Variants in STAB2 observed in about 807,000 individuals in gnomAD.
STAB2 encodes stabilin-2.
A neutral mutation model predicts 338.1 loss-of-function variants in STAB2; 288 were observed. The ratio of observed to expected loss-of-function variants is 0.85; its 90% CI spans 0.77 to 0.94. The LOEUF (loss-of-function observed/expected upper bound fraction) is 0.94. STAB2 is among the 40% of genes least tolerant of loss of function. The pLI, the probability that STAB2 is intolerant of heterozygous loss-of-function variation, is 0.00. For missense variants in STAB2, 3,141 were observed against 3,210.1 expected (o/e 0.98, Z 0.52); for synonymous variants, 1,202 against 1,193.3 (o/e 1.01, Z -0.15).
intron 61 of STAB2, chr12:103,755,005 A>G: frequency 2.9e-6 from 1 of 346,350 alleles, no homozygotes; most frequent in Non-Finnish European, 5.3e-6. Flanking sequence ...TTAGCAGAAA[A>G]ATTTGCACCT....
rs985850285 is a variant in STAB2 at position 103,587,317 on chromosome 12, C to T, written c.-160C>T. The T allele has an allele frequency of 2.5e-5, 16 of 640,706 alleles. No homozygotes were observed. Among genetic ancestry groups the T allele is most frequent in the Non-Finnish European group, 4.3e-5 (16 of 374,624 alleles). 39.7% of individuals were successfully genotyped at this position (640,706 alleles called of 1,614,324 possible). A position where few individuals can be genotyped will look rare whatever the true frequency, so the allele number is the denominator to read the frequency against. On this transcript the variant is annotated 5_prime_UTR_variant, in exon 1 of 69. Coordinates refer to ENST00000388887, the MANE Select transcript of STAB2 (RefSeq NM_017564.10). ...CCATTTTTCCTTTCTGAAGGCAGGT[C>T]TCACCTATCTCCTGGTTCGATCTAG...
rs117031009 is a variant in STAB2 at position 103,683,544 on chromosome 12, C to T, written c.2901+244C>T. ...TTAAATTTAATTTTGAAGTAAGTAACAAACAATCTTTAAGCACAAGTAAGT... is the reference window on the plus strand; with the variant it reads ...TTAAATTTAATTTTGAAGTAAGTAATAAACAATCTTTAAGCACAAGTAAGT... On this transcript the variant is annotated intron_variant, in intron 26 of 68. Coordinates refer to ENST00000388887, the MANE Select transcript of STAB2 (RefSeq NM_017564.10). Among the ~76,000 whole-genome samples the T allele has an allele frequency of 3.0e-3, 457 of 152,258 alleles. 1 individual carries two copies. Among genetic ancestry groups the T allele is most frequent in the Middle Eastern group, 6.8e-3 (2 of 294 alleles).
In STAB2 at chr12:103,750,741, T is replaced by C. The variant is rs201527438; in HGVS notation, c.6580+21T>C. On this transcript the variant is annotated intron_variant, in intron 60 of 68. Transcript: ENST00000388887. ...CCAGGGTTAGTGTGACCAGGGCCTA[T>C]GGCCCAAAGCACCCTCCTCTTCAGG... is the stretch of plus-strand genomic sequence containing the variant. The C allele has an allele frequency of 1.9e-6, 3 of 1,603,368 alleles. No individual in the cohort carries two copies. The African/African-American group carries it at 4.0e-5, about 21-fold the overall frequency.
At chr12:103,755,156 C>A in intron 61 of STAB2, 146 bp from the exon 62 acceptor site, 1 of 1,107,322 alleles carries the variant, frequency 9.0e-7, no homozygotes, top group Non-Finnish European at 1.3e-6. Context: ...CTAATGACCA[C>A]CTACTGTGTG....
At position 103,620,514 on chromosome 12, in the gene STAB2, T is replaced by C; in HGVS notation, c.378T>C (p.Cys126=). The change falls in exon 4 of 69, where the codon TGT becomes TGC. Residue 126 remains cysteine, a synonymous_variant. Coordinates refer to ENST00000388887, the MANE Select transcript of STAB2 (RefSeq NM_017564.10). ...AGSPCNGRGS[C]AEGMEGNGTC... ...CACCCTGCAATGGCAGAGGCAGTTG[T>C]GCTGAAGGCATGGAAGGAAATGGAA... 1 of 1,582,796 alleles carries C rather than the reference T, an allele frequency of 6.3e-7. No homozygotes were observed. The highest frequency in any genetic ancestry group is 1.2e-5 in the South Asian group (1 of 86,564).
At chr12:103,680,656 G>T (rs998371527) in intron 25 of STAB2, among the ~76,000 whole-genome samples, 1 of 152,208 alleles carries the variant, frequency 6.6e-6, no homozygotes, top group African/African-American at 2.4e-5. Context: ...CACAATTACA[G>T]AAATCAGGCT....
At chr12:103,745,127 T>G in intron 56 of STAB2, 46 bp from the exon 57 acceptor site, 1 of 1,531,902 alleles carries the variant, frequency 6.5e-7, no homozygotes. Context: ...GCTGGTTGAT[T>G]GGGTCTCAAC....
At chr12:103,600,784 A>G (rs1301083543) in intron 3 of STAB2, among the ~76,000 whole-genome samples, 2 of 84,672 alleles carry the variant, frequency 2.4e-5, no homozygotes, top group East Asian at 6.1e-4. Context: ...CCCAGGAGAT[A>G]GCATATCCAG....
At position 103,622,099 on chromosome 12, in the gene STAB2, A is replaced by C; in HGVS notation, c.475A>C (p.Ser159Arg). Residue 159 changes from serine (S) to arginine (R), a missense_variant, in exon 5 of 69, where the codon AGC becomes CGC. Transcript: ENST00000388887. ...TGCTGACGACAACTTATTTGGACCCAGCTGTTCATCAGGTATGTCTGATTT... is the reference window on the plus strand; with the variant it reads ...TGCTGACGACAACTTATTTGGACCCCGCTGTTCATCAGGTATGTCTGATTT... ...TCADDNLFGP[S>R]CSSVCNCVHG... 2 of 1,614,218 alleles carry C rather than the reference A, an allele frequency of 1.2e-6. No individual in the cohort carries two copies. Among genetic ancestry groups the C allele is most frequent in the Middle Eastern group, 1.7e-4 (1 of 6,060 alleles).
chr12:103,615,871 CG>C (rs567636683), intron 3 of STAB2, among the ~76,000 whole-genome samples: 174 of 152,216 alleles, frequency 1.1e-3, no homozygotes, highest in African/African-American at 4.0e-3. Flanking sequence ...AAGAACAGCA[CG>C]GGGGAAACTG....
intron 6 of STAB2, among the ~76,000 whole-genome samples, chr12:103,634,587 T>A (rs1957514297): frequency 6.6e-6 from 1 of 152,260 alleles, no homozygotes; most frequent in Non-Finnish European, 1.5e-5. Flanking sequence ...GGCTGCTAAG[T>A]GATTCTAACA....
rs192670337 is a variant in STAB2, at chr12:103,750,286, A to G, written c.6439-293A>G. On this transcript the variant is annotated intron_variant, in intron 59 of 68. Coordinates refer to ENST00000388887, the MANE Select transcript of STAB2 (RefSeq NM_017564.10). The stretch of plus-strand genomic sequence containing the variant: ...TTCAGAGAGCACAAGGAGCCCTGTG[A>G]AGAACATAAATCAGGCCAATGTGAT... Among the ~76,000 whole-genome samples the G allele has an allele frequency of 9.8e-5, 15 of 152,362 alleles. No homozygotes were observed. In the East Asian group the frequency reaches 2.7e-3, roughly 27 times the overall value.
Position 103,765,425 on chromosome 12 carries a change from CTA to C in STAB2, c.7606-859_7606-858del, listed in dbSNP as rs1300305499. On this transcript the variant is annotated intron_variant, in intron 68 of 68. Coordinates refer to ENST00000388887, the MANE Select transcript of STAB2 (RefSeq NM_017564.10). ...GTGCTACATTCTCACGCCTTTGACA[CTA>C]TTTTTAGTGACTCCAGACACATTTA... Among the ~76,000 whole-genome samples the C allele has an allele frequency of 7.9e-5, 12 of 152,350 alleles. No individual in the cohort carries two copies. In the East Asian group the frequency reaches 2.3e-3, roughly 29 times the overall value.
intron 3 of STAB2, 134 bp downstream of exon 3, chr12:103,594,644 G>A (rs1005682445): frequency 4.3e-6 from 3 of 695,494 alleles, no homozygotes; most frequent in Non-Finnish European, 7.4e-6. Context: ...TAGTCTATAT[G>A]TAGAAAATCT....
At position 103,742,441 on chromosome 12, in the gene STAB2, G is replaced by A. The variant is rs758577238; in HGVS notation, c.5918G>A (p.Arg1973Gln). 2.4e-5 allele frequency: 39 copies of A among 1,613,942 alleles called. No individual in the cohort carries two copies. The highest frequency in any genetic ancestry group is 1.6e-4 in the Middle Eastern group (1 of 6,084). ...GGACCAGATGCCCCGTGTAATAACC[G>A]GGGTGTCTGCCTTGATCAGTACTCG... Reference protein sequence around the residue: ...PGGPDAPCNNRGVCLDQYSAT... With the variant: ...PGGPDAPCNNQGVCLDQYSAT... Residue 1973 changes from arginine (R) to glutamine (Q), a missense_variant, in exon 56 of 69, where the codon CGG becomes CAG. Coordinates refer to ENST00000388887, the MANE Select transcript of STAB2 (RefSeq NM_017564.10).
rs1884273520 is a variant in STAB2, at chr12:103,758,156, C to A, written c.6988-14C>A. The A allele has an allele frequency of 6.2e-7, 1 of 1,613,938 alleles. No individual in the cohort carries two copies. The highest frequency in any genetic ancestry group is 8.5e-7 in the Non-Finnish European group (1 of 1,180,000). ...CAGGGCTGGCCCCTCTGATGACTTCCTTCTTCTCCCCAGGAAGTGCTGGCC... is the reference window on the plus strand; with the variant it reads ...CAGGGCTGGCCCCTCTGATGACTTCATTCTTCTCCCCAGGAAGTGCTGGCC... On this transcript the variant is annotated splice_polypyrimidine_tract_variant and intron_variant, in intron 63 of 68. Coordinates refer to ENST00000388887, the MANE Select transcript of STAB2 (RefSeq NM_017564.10).
At position 103,762,401 on chromosome 12, in the gene STAB2, AG is replaced by A. The variant is rs776904352; in HGVS notation, c.7488+1del. ...NRRTIGFQHF[E>X]SEEDINVAAL... Reference sequence around the variant, plus strand: ...AGAACAATCGGCTTCCAGCATTTTGAGGTAAGAGAGAAAAATGGGAACATGA... The same window carrying A: ...AGAACAATCGGCTTCCAGCATTTTGAGTAAGAGAGAAAAATGGGAACATGA... On this transcript the variant is annotated frameshift_variant and splice_region_variant, in exon 67 of 69. Coordinates refer to ENST00000388887, the MANE Select transcript of STAB2 (RefSeq NM_017564.10). LOFTEE classifies it high-confidence loss of function. The A allele has an allele frequency of 6.2e-7, 1 of 1,614,152 alleles. No homozygotes were observed. The highest frequency in any genetic ancestry group is 1.1e-5 in the South Asian group (1 of 91,076).
chr12:103,691,700 A>T (rs1375872897), intron 30 of STAB2, among the ~76,000 whole-genome samples: 1 of 152,196 alleles, frequency 6.6e-6, no homozygotes, highest in African/African-American at 2.4e-5. Flanking sequence ...AGAGGAGCTA[A>T]CCATTAAAGA....
At chr12:103,613,815 G>A (rs149470498) in intron 3 of STAB2, among the ~76,000 whole-genome samples, 13 of 151,940 alleles carry the variant, frequency 8.6e-5, no homozygotes, top group African/African-American at 2.4e-4. Flanking sequence ...GTTCCTATTC[G>A]GCCATCTTGG....
Sources: gnomAD v4.1 joint callset for allele counts (sites outside exome capture counted in the v4.1 genomes callset) on GRCh38, gnomAD v4.1.1 for gene constraint, MANE v1.5 for transcripts, NCBI Gene and HGNC (gene_info 2026-07-23, HGNC 2026-07-21) for gene names.